CFAP92: variants seen among roughly 807,000 people sequenced by gnomAD.
CFAP92 encodes the protein cilia and flagella associated protein 92 (putative), also known as uncharacterized protein CFAP92.
In CFAP92, 86 loss-of-function variants were observed where a neutral mutation model predicts 106.3. That is an observed-to-expected ratio of 0.81 (90% CI 0.68 to 0.97). The LOEUF (loss-of-function observed/expected upper bound fraction) is 0.97. Among genes scored for constraint, CFAP92 ranks in the 50% least tolerant of loss-of-function variants. The pLI is 0.00. For synonymous variants in CFAP92, 477 were observed against 506.4 expected (o/e 0.94, Z 0.78); for missense variants, 1,204 against 1,283.8 (o/e 0.94, Z 0.95).
the CFAP92 span, among the ~76,000 whole-genome samples, chr3:129,019,081 T>C: frequency 6.6e-6 from 1 of 152,198 alleles, no homozygotes; most frequent in African/African-American, 2.4e-5. Context: ...TTGCTGGGTC[T>C]TGTGGAGACA....
At chr3:129,026,669 T>G in the CFAP92 span, among the ~76,000 whole-genome samples, 1 of 152,176 alleles carries the variant, frequency 6.6e-6, no homozygotes, top group Non-Finnish European at 1.5e-5. Flanking sequence ...CCTTGAGTCT[T>G]GGAGACAGTG....
intron 4 of CFAP92, among the ~76,000 whole-genome samples, chr3:128,984,050 C>A (rs777363285): frequency 3.3e-5 from 5 of 152,106 alleles, no homozygotes; most frequent in African/African-American, 4.8e-5. Context: ...GAACAACAGG[C>A]GGGGGACACC....
rs895589881 is a variant in CFAP92, at chr3:129,002,226, G to T, written n.117+348C>A. On this transcript the variant is annotated intron_variant and non_coding_transcript_variant, in intron 1 of 4. Transcript: ENST00000510149. ...CGACAGCGGTCCTGACTGTGAGCGCGTTGCGCGGCTGGAGGAGGAGAATAG... is the reference window on the plus strand; with the variant it reads ...CGACAGCGGTCCTGACTGTGAGCGCTTTGCGCGGCTGGAGGAGGAGAATAG... 3.4e-5 allele frequency: 52 copies of T among 1,528,884 alleles called. No homozygotes were observed. Among genetic ancestry groups the T allele is most frequent in the Non-Finnish European group, 4.3e-5 (49 of 1,143,548 alleles). 94.7% of individuals were successfully genotyped at this position (1,528,884 alleles called of 1,614,324 possible). A position where few individuals can be genotyped will look rare whatever the true frequency, so the allele number is the denominator to read the frequency against.
intron 2 of CFAP92, chr3:128,991,906 C>T (rs1474753345): frequency 2.0e-6 from 2 of 985,574 alleles, no homozygotes; most frequent in East Asian, 2.3e-4. Flanking sequence ...GTCTCCTCCC[C>T]TCATATTGGG....
At chr3:129,005,491 G>A (rs1467115119), upstream of CFAP92, among the ~76,000 whole-genome samples, 1 of 152,242 alleles carries the variant, frequency 6.6e-6, no homozygotes, top group African/African-American at 2.4e-5. Flanking sequence ...TTAAGAGAAA[G>A]AACATGAAAC....
Position 128,916,219 on chromosome 3 carries a change from G to T in CFAP92, c.2804C>A (p.Ala935Glu). Reference sequence around the variant, plus strand: ...AGGGGCTGAAATTTTAATCACCTTCGCCACGGACTTCGGAGGCTTCTTGCT... The same window carrying T: ...AGGGGCTGAAATTTTAATCACCTTCTCCACGGACTTCGGAGGCTTCTTGCT... Reference protein sequence around the residue: ...QVSKKPPKSVAKVIKISAPAN... With the variant: ...QVSKKPPKSVEKVIKISAPAN... Residue 935 changes from alanine to glutamate, a missense_variant, in exon 13 of 16, where the codon GCG becomes GAG. Transcript: ENST00000645291. 1.6e-6 allele frequency: 2 copies of T among 1,231,958 alleles called. No homozygotes were observed. Among genetic ancestry groups the T allele is most frequent in the Non-Finnish European group, 2.0e-6 (2 of 987,938 alleles). The allele number at this position is 1,231,958 out of a possible 1,614,324, so 76.3% of individuals were successfully genotyped here. A position where few individuals can be genotyped will look rare whatever the true frequency, so the allele number is the denominator to read the frequency against.
chr3:128,932,622 G>GC, intron 12 of CFAP92, 78 bp downstream of exon 12: 2 of 1,370,868 alleles, frequency 1.5e-6, no homozygotes, highest in South Asian at 2.9e-5. Context: ...TCAGGAATAT[G>GC]CCCTATGCCT....
At position 128,912,544 on chromosome 3, in the gene CFAP92, G is replaced by C. The variant is rs1232069138; in HGVS notation, c.3281-2211C>G. The C allele has an allele frequency of 6.2e-7, 1 of 1,614,112 alleles. No individual in the cohort carries two copies. Among genetic ancestry groups the C allele is most frequent in the Non-Finnish European group, 8.5e-7 (1 of 1,180,022 alleles). On this transcript the variant is annotated intron_variant, in intron 15 of 15. Transcript: ENST00000645291. ...ACCTAGATGAGCAGATTAAGAAAGT[G>C]TCCCAGCAGATCCTTGAGAAGCGAG...
intron 9 of CFAP92, among the ~76,000 whole-genome samples, chr3:128,961,163 A>C (rs960099641): frequency 6.6e-6 from 1 of 152,212 alleles, no homozygotes; most frequent in Non-Finnish European, 1.5e-5. Flanking sequence ...TGGCACTTTA[A>C]ATTTTTCCAT....
chr3:128,986,428 C>T (rs1471009860), intron 4 of CFAP92, among the ~76,000 whole-genome samples: 2 of 151,958 alleles, frequency 1.3e-5, no homozygotes, highest in East Asian at 3.9e-4. Context: ...TTTATAGAGA[C>T]AGGGTCTTGC....
intron 15 of CFAP92, 93 bp downstream of exon 15, chr3:128,915,026 C>A: frequency 7.6e-7 from 1 of 1,317,956 alleles, no homozygotes; most frequent in Non-Finnish European, 1.0e-6. Context: ...ATAGTGTAAA[C>A]AAAATGGATA....
At chr3:128,976,737 TCATACCA>T (rs1472835450) in intron 6 of CFAP92, among the ~76,000 whole-genome samples, 2 of 152,202 alleles carry the variant, frequency 1.3e-5, no homozygotes, top group African/African-American at 4.8e-5. Flanking sequence ...ACGGAGATAG[TCATACCA>T]CCTCACAAAG....
intron 9 of CFAP92, among the ~76,000 whole-genome samples, chr3:128,964,660 C>T (rs1486036882): frequency 6.6e-6 from 1 of 152,170 alleles, no homozygotes; most frequent in Non-Finnish European, 1.5e-5. Context: ...ACCTGTTTTT[C>T]TCCCTCTCTT....
chr3:128,918,403 G>A (rs1420043060), intron 12 of CFAP92, among the ~76,000 whole-genome samples: 2 of 152,164 alleles, frequency 1.3e-5, no homozygotes, highest in Non-Finnish European at 2.9e-5. Context: ...AATCCAGGAG[G>A]CAGAGGTTGC....
At chr3:129,005,496 T>G (rs1380449415), upstream of CFAP92, among the ~76,000 whole-genome samples, 1 of 152,218 alleles carries the variant, frequency 6.6e-6, no homozygotes, top group African/African-American at 2.4e-5. Flanking sequence ...AGAAAGAACA[T>G]GAAACCATGG....
the CFAP92 span, among the ~76,000 whole-genome samples, chr3:129,024,197 T>C: frequency 1.3e-5 from 2 of 152,182 alleles, no homozygotes; most frequent in Non-Finnish European, 2.9e-5. Flanking sequence ...TTATTTGTTC[T>C]GCTGTAACAG....
chr3:128,981,227 A>G (rs542797720), intron 4 of CFAP92, among the ~76,000 whole-genome samples: 59 of 151,606 alleles, frequency 3.9e-4, no homozygotes, highest in Non-Finnish European at 5.2e-4. Context: ...GAGTAGAGAC[A>G]GGGTTTCACC....
At chr3:128,997,715 A>G (rs754050356), upstream of CFAP92, among the ~76,000 whole-genome samples, 13 of 152,206 alleles carry the variant, frequency 8.5e-5, no homozygotes, top group Middle Eastern at 3.2e-3. Context: ...TCATCAGTTA[A>G]TGGGCATTTG....
At chr3:128,926,171 T>C (rs1937627261) in intron 12 of CFAP92, among the ~76,000 whole-genome samples, 1 of 152,104 alleles carries the variant, frequency 6.6e-6, no homozygotes, top group Admixed American at 6.6e-5. Flanking sequence ...AAATAGCCAA[T>C]CGTGAAAAGG....
Sources: allele counts gnomAD v4.1 joint callset (sites outside exome capture counted in the v4.1 genomes callset), GRCh38; gene constraint gnomAD v4.1.1; transcripts MANE v1.5; gene names NCBI Gene and HGNC (gene_info 2026-07-23, HGNC 2026-07-21).